Variants in MGAT4A observed in about 807,000 individuals in gnomAD.
MGAT4A encodes N-acetylglucosaminyltransferase IVa.
MGAT4A carries 33 observed loss-of-function variants against 74.1 expected under a neutral mutation model. That is an observed-to-expected ratio of 0.45 (90% CI 0.34 to 0.60). The LOEUF is 0.60. Among genes scored for constraint, MGAT4A ranks in the 20% least tolerant of loss-of-function variants. The probability of loss-of-function intolerance (pLI) is 0.02; values close to 1 mark genes in which losing one functional copy is unlikely to be tolerated. For synonymous variants in MGAT4A, 198 were observed against 210.4 expected, an observed-to-expected ratio of 0.94 and a Z score of 0.51; for missense variants, 479 against 628.3, an observed-to-expected ratio of 0.76 and a Z score of 2.54.
chr2:98,709,322 A>T (rs952288953), intron 2 of MGAT4A, among the ~76,000 whole-genome samples: 1 of 152,162 alleles, frequency 6.6e-6, no homozygotes, highest in African/African-American at 2.4e-5. Context: ...TGGAGGTCCA[A>T]TCGGTTCTAT....
At chr2:98,720,165 A>G (rs1445045640) in intron 2 of MGAT4A, among the ~76,000 whole-genome samples, 3 of 152,222 alleles carry the variant, frequency 2.0e-5, no homozygotes, top group Non-Finnish European at 4.4e-5. Context: ...TGTGATGGTT[A>G]ATTTTATGTG....
At chr2:98,673,402 A>G (rs1249278516) in intron 4 of MGAT4A, among the ~76,000 whole-genome samples, 2 of 152,190 alleles carry the variant, frequency 1.3e-5, no homozygotes, top group African/African-American at 4.8e-5. Context: ...CATTTTCCAA[A>G]GTAGAGATTG....
chr2:98,673,939 G>A (rs2104284904), intron 4 of MGAT4A, among the ~76,000 whole-genome samples: 1 of 152,222 alleles, frequency 6.6e-6, no homozygotes, highest in South Asian at 2.1e-4. Context: ...TGTATACCTG[G>A]CACCTGCAGA....
chr2:98,641,035 A>C (rs927324644), intron 10 of MGAT4A, among the ~76,000 whole-genome samples: 2 of 152,156 alleles, frequency 1.3e-5, no homozygotes, highest in Non-Finnish European at 2.9e-5. Flanking sequence ...ACAGGAAGGG[A>C]CACCTATGTT....
Position 98,623,599 on chromosome 2 carries a change from A to C in MGAT4A, c.*1967T>G. On this transcript the variant is annotated 3_prime_UTR_variant, in exon 16 of 16. Coordinates refer to ENST00000393487, the MANE Select transcript of MGAT4A (RefSeq NM_012214.3). ...AGAAGAAAAAAATTCAAGAAAGTGA[A>C]AAGTAAATTTAAAACATCCTAATAA... 2 of 985,336 alleles carry C rather than the reference A, an allele frequency of 2.0e-6. No homozygotes were observed. Among genetic ancestry groups the C allele is most frequent in the South Asian group, 9.4e-5 (2 of 21,292 alleles). 61.0% of individuals were successfully genotyped at this position (985,336 alleles called of 1,614,324 possible).
intron 2 of MGAT4A, among the ~76,000 whole-genome samples, chr2:98,680,336 G>A (rs6752769): frequency 0.017 from 2,622 of 152,216 alleles, 84 homozygotes; most frequent in African/African-American, 0.059. Flanking sequence ...GAGCCACTGC[G>A]CCCAGCCAGA....
At chr2:98,659,022 TTAAACA>T (rs1701705404) in intron 5 of MGAT4A, among the ~76,000 whole-genome samples, 1 of 152,164 alleles carries the variant, frequency 6.6e-6, no homozygotes, top group South Asian at 2.1e-4. Flanking sequence ...CAGGCATGTT[TTAAACA>T]GACATTTTCA....
chr2:98,669,673 G>C (rs1030132744), intron 4 of MGAT4A, among the ~76,000 whole-genome samples: 1 of 152,140 alleles, frequency 6.6e-6, no homozygotes, highest in Non-Finnish European at 1.5e-5. Context: ...ACAAAATTAA[G>C]AGTGACCATG....
At chr2:98,635,338 C>A in intron 13 of MGAT4A, 50 bp from the exon 14 acceptor site, 1 of 1,374,326 alleles carries the variant, frequency 7.3e-7, no homozygotes, top group South Asian at 1.3e-5. Flanking sequence ...TTCTATTTAA[C>A]CTAAGTTATT....
intron 9 of MGAT4A, among the ~76,000 whole-genome samples, chr2:98,644,639 T>C (rs976031850): frequency 3.5e-5 from 5 of 142,228 alleles, no homozygotes; most frequent in African/African-American, 1.0e-4. Context: ...AAACATACTC[T>C]TTTTTTTTTT....
chr2:98,706,336 G>A (rs554158181), intron 2 of MGAT4A, among the ~76,000 whole-genome samples: 114 of 152,200 alleles, frequency 7.5e-4, no homozygotes, highest in African/African-American at 2.6e-3. Flanking sequence ...CCACCGAGGT[G>A]TGTCCCTCCG....
At chr2:98,641,837 A>G (rs879660073) in intron 10 of MGAT4A, among the ~76,000 whole-genome samples, 2 of 151,626 alleles carry the variant, frequency 1.3e-5, no homozygotes, top group Non-Finnish European at 2.9e-5. Flanking sequence ...TACTAAAAAT[A>G]TAAAAATTTG....
Position 98,637,015 on chromosome 2 carries a change from A to G in MGAT4A, c.1323-420T>C, listed in dbSNP as rs568395285. Among the ~76,000 whole-genome samples the G allele has an allele frequency of 3.5e-4, 53 of 152,310 alleles. 1 individual carries two copies. Among genetic ancestry groups the G allele is most frequent in the African/African-American group, 1.3e-3 (53 of 41,578 alleles). ...ACAACCAGTAGTCATGGCATGTCCA[A>G]AGACCAGTTCTAGGCTGGGCGTGGT... On this transcript the variant is annotated intron_variant, in intron 12 of 15. Coordinates refer to ENST00000393487, the MANE Select transcript of MGAT4A (RefSeq NM_012214.3).
rs59955000 is a variant in MGAT4A at position 98,671,943 on chromosome 2, C to CAAAAAAAA, written c.403+3084_403+3091dup. On this transcript the variant is annotated intron_variant, in intron 4 of 15. Coordinates refer to ENST00000393487, the MANE Select transcript of MGAT4A (RefSeq NM_012214.3). ...AGGCCACAAAGTAATGTGGAAAAGGCAAAAAAAAAAAAAAAAAAAAAAAAA... is the reference window on the plus strand; with the variant it reads ...AGGCCACAAAGTAATGTGGAAAAGGCAAAAAAAAAAAAAAAAAAAAAAAAAAAAAAAAA... Among the ~76,000 whole-genome samples the CAAAAAAAA allele has an allele frequency of 4.5e-4, 13 of 28,632 alleles. 1 individual carries two copies. The highest frequency in any genetic ancestry group is 5.8e-4 in the Non-Finnish European group (9 of 15,530). 18.8% of individuals were successfully genotyped at this position (28,632 alleles called of 152,430 possible).
chr2:98,725,385 G>GA (rs1245649127), intron 2 of MGAT4A, among the ~76,000 whole-genome samples: 2 of 151,822 alleles, frequency 1.3e-5, no homozygotes, highest in African/African-American at 4.8e-5. Flanking sequence ...ACACACATCA[G>GA]AAAAAAATAA....
intron 2 of MGAT4A, among the ~76,000 whole-genome samples, chr2:98,684,580 T>C (rs1702103430): frequency 1.3e-5 from 2 of 152,344 alleles, no homozygotes; most frequent in Admixed American, 6.5e-5. Flanking sequence ...CTCTGGGCTT[T>C]CAAAGACTTA....
intron 2 of MGAT4A, among the ~76,000 whole-genome samples, chr2:98,691,560 CCTA>C (rs1326793438): frequency 6.6e-6 from 1 of 152,210 alleles, no homozygotes; most frequent in Non-Finnish European, 1.5e-5. Flanking sequence ...TGTAAATAAA[CCTA>C]CTGCACTGCC....
At chr2:98,663,358 A>G in intron 4 of MGAT4A, 179 bp from the exon 5 acceptor site, 1 of 1,530,148 alleles carries the variant, frequency 6.5e-7, no homozygotes, top group Non-Finnish European at 8.8e-7. Flanking sequence ...ACTGTAATTC[A>G]TTTTCACATG....
intron 14 of MGAT4A, among the ~76,000 whole-genome samples, chr2:98,634,875 A>T (rs972073233): frequency 1.3e-5 from 2 of 151,586 alleles, no homozygotes; most frequent in African/African-American, 4.9e-5. Context: ...GACGCTGGGG[A>T]GGAGGGAAGG....
Sources: allele counts gnomAD v4.1 joint callset (sites outside exome capture counted in the v4.1 genomes callset), GRCh38; gene constraint gnomAD v4.1.1; transcripts MANE v1.5; gene names NCBI Gene and HGNC (gene_info 2026-07-23, HGNC 2026-07-21).